MECOM: variants seen among roughly 807,000 people sequenced by gnomAD.
MECOM encodes the protein histone-lysine N-methyltransferase MECOM.
A neutral mutation model predicts 116.3 loss-of-function variants in MECOM; 13 were observed. The ratio of observed to expected loss-of-function variants is 0.11; its 90% CI spans 0.07 to 0.18. The LOEUF is 0.18. Ranked by LOEUF, MECOM falls within the 10% of genes least tolerant of loss-of-function variation. MECOM has a pLI of 1.00. For missense variants in MECOM, 1,299 were observed against 1,509.0 expected, an observed-to-expected ratio of 0.86 and a Z score of 2.31; for synonymous variants, 528 against 535.2, an observed-to-expected ratio of 0.99 and a Z score of 0.19.
At chr3:169,116,779 C>A in intron 7 of MECOM, 40 bp from the exon 8 acceptor site, 1 of 1,532,110 alleles carries the variant, frequency 6.5e-7, no homozygotes. Context: ...GGCTTTATGT[C>A]AATTGCTTCT....
chr3:169,300,029 T>C (rs1014211399), intron 2 of MECOM, among the ~76,000 whole-genome samples: 1 of 152,182 alleles, frequency 6.6e-6, no homozygotes, highest in Non-Finnish European at 1.5e-5. Flanking sequence ...CTTGCAAAAC[T>C]TAAGGGACTC....
At chr3:169,382,329 G>A (rs16853620) in intron 1 of MECOM, among the ~76,000 whole-genome samples, 52,485 of 151,768 alleles carry the variant, frequency 0.35, 9,634 homozygotes, top group East Asian at 0.57. Flanking sequence ...TCATCTTTAC[G>A]GAGCAGCACC....
chr3:169,346,548 C>T (rs541056118), intron 2 of MECOM, among the ~76,000 whole-genome samples: 18 of 151,882 alleles, frequency 1.2e-4, no homozygotes, highest in African/African-American at 3.9e-4. Flanking sequence ...AGTCCTGCCT[C>T]GGTAGCTAAC....
intron 2 of MECOM, among the ~76,000 whole-genome samples, chr3:169,201,257 ATG>A (rs59517316): frequency 0.09 from 13,531 of 150,248 alleles, 641 homozygotes; most frequent in South Asian, 0.19. Context: ...TTTAGACAAG[ATG>A]TGTGTGTGTG....
At position 169,084,950 on chromosome 3, in the gene MECOM, C is replaced by T; in HGVS notation, c.3679G>A (p.Ala1227Thr). The T allele has an allele frequency of 6.2e-7, 1 of 1,614,130 alleles. No homozygotes were observed. Among genetic ancestry groups the T allele is most frequent in the East Asian group, 2.2e-5 (1 of 44,878 alleles). Residue 1227 changes from alanine to threonine, a missense_variant, in exon 17 of 17, where the codon GCG becomes ACG. By Grantham distance (58) the Ala-to-Thr change is moderately conservative. Transcript: ENST00000651503. Reference sequence around the variant, plus strand: ...GACTGGATAGCACTGGATTCCGCCGCAGCCCTGGCCATACTGTGCCACACG... The same window carrying T: ...GACTGGATAGCACTGGATTCCGCCGTAGCCCTGGCCATACTGTGCCACACG... The part of the protein sequence containing the change: ...SNVWHSMARA[A>T]AESSAIQSIS...
rs201975838 is a variant in MECOM at position 169,366,397 on chromosome 3, GA to G, written c.375+14789del. ...TTGCAATAATACTACCTCAAACTAG[GA>G]AAAAAAAAACTTGAGTTCAAAGCCA... On this transcript the variant is annotated intron_variant, in intron 2 of 16. Coordinates refer to ENST00000651503, the MANE Select transcript of MECOM (RefSeq NM_004991.4). 1.1e-4 allele frequency among the ~76,000 whole-genome samples: 16 copies of G among 147,404 alleles called. No homozygotes were observed. The South Asian group carries it at 1.3e-3, about 12-fold the overall frequency.
At chr3:169,222,454 ACTAAAATGGC>A (rs1189688473) in intron 2 of MECOM, among the ~76,000 whole-genome samples, 1 of 152,210 alleles carries the variant, frequency 6.6e-6, no homozygotes, top group Non-Finnish European at 1.5e-5. Context: ...ACATGATGGC[ACTAAAATGGC>A]CTATTAGATT....
chr3:169,603,684 A>C (rs1448151899), intron 1 of MECOM, among the ~76,000 whole-genome samples: 1 of 152,214 alleles, frequency 6.6e-6, no homozygotes, highest in African/African-American at 2.4e-5. Flanking sequence ...TATTCAGTAC[A>C]GTAACATGCT....
intron 2 of MECOM, among the ~76,000 whole-genome samples, chr3:169,327,222 A>G (rs527491262): frequency 6.6e-6 from 1 of 152,258 alleles, no homozygotes; most frequent in Non-Finnish European, 1.5e-5. Flanking sequence ...ATGGTCATGT[A>G]TATTACCATG....
chr3:169,424,307 A>G (rs898895465), intron 1 of MECOM, among the ~76,000 whole-genome samples: 2 of 152,160 alleles, frequency 1.3e-5, no homozygotes, highest in Admixed American at 6.6e-5. Flanking sequence ...AAAGCTGAAA[A>G]TAGCATCCTT....
chr3:169,202,819 C>CAAAAAAAAAAAA (rs11287862), intron 2 of MECOM, among the ~76,000 whole-genome samples: 2 of 90,286 alleles, frequency 2.2e-5, no homozygotes, highest in African/African-American at 4.3e-5. Flanking sequence ...TTGCCATTAG[C>CAAAAAAAAAAAA]AAAAAAAAAA....
At chr3:169,238,174 C>CAAA (rs869078937) in intron 2 of MECOM, among the ~76,000 whole-genome samples, 123 of 72,068 alleles carry the variant, frequency 1.7e-3, no homozygotes, top group Admixed American at 1.0e-3. Context: ...GACTCCATCT[C>CAAA]AAAAAAAAAA....
At chr3:169,662,318 C>T (rs1776383859) in intron 1 of MECOM, among the ~76,000 whole-genome samples, 2 of 152,188 alleles carry the variant, frequency 1.3e-5, no homozygotes, top group Admixed American at 6.5e-5. Context: ...GCTGCGCCCT[C>T]TCCGCGGCCC....
At chr3:169,171,824 G>C (rs1402968130) in intron 2 of MECOM, among the ~76,000 whole-genome samples, 1 of 151,972 alleles carries the variant, frequency 6.6e-6, no homozygotes, top group Non-Finnish European at 1.5e-5. Context: ...GGCAGGGCAG[G>C]GGAAAACTTT....
chr3:169,414,391 AAAGATGAAAGGTAGATAAATCCATG>A (rs1457175955), intron 1 of MECOM, among the ~76,000 whole-genome samples: 5 of 152,322 alleles, frequency 3.3e-5, no homozygotes, highest in Admixed American at 6.5e-5. Context: ...AAGATGGAGC[AAAGATGAAAGGTAGATAAATCCATG>A]AAGATGGGGA....
chr3:169,248,359 T>C (rs530684421), intron 2 of MECOM, among the ~76,000 whole-genome samples: 2 of 152,316 alleles, frequency 1.3e-5, no homozygotes, highest in African/African-American at 4.8e-5. Context: ...AACTCAGTGA[T>C]TTGCAGATAG....
At chr3:169,250,495 C>A (rs961045) in intron 2 of MECOM, among the ~76,000 whole-genome samples, 3 of 152,148 alleles carry the variant, frequency 2.0e-5, no homozygotes, top group Non-Finnish European at 4.4e-5. Flanking sequence ...TCTTGTTTCT[C>A]GAGCAATCAT....
chr3:169,170,435 C>T (rs996888542), intron 2 of MECOM, among the ~76,000 whole-genome samples: 3 of 148,542 alleles, frequency 2.0e-5, no homozygotes, highest in African/African-American at 7.5e-5. Flanking sequence ...AAAATCAAAG[C>T]TAAGCGTCTG....
chr3:169,346,170 A>G (rs990945864), intron 2 of MECOM, among the ~76,000 whole-genome samples: 2 of 152,102 alleles, frequency 1.3e-5, no homozygotes, highest in African/African-American at 4.8e-5. Flanking sequence ...AAAAAAAACA[A>G]GGCATACATG....
Sources: gnomAD v4.1 joint callset for allele counts (sites outside exome capture counted in the v4.1 genomes callset) on GRCh38, gnomAD v4.1.1 for gene constraint, MANE v1.5 for transcripts, NCBI Gene and HGNC (gene_info 2026-07-23, HGNC 2026-07-21) for gene names.